UPRT: variants seen among roughly 807,000 people sequenced by gnomAD.
The protein encoded by UPRT is RP11-311P8.3.
Under a neutral mutation model 22.6 loss-of-function variants are expected in UPRT, and 5 were observed. That is an observed-to-expected ratio of 0.22 (90% confidence interval 0.12 to 0.47). UPRT has a LOEUF of 0.47. UPRT is among the 20% of genes least tolerant of loss of function. The probability of loss-of-function intolerance (pLI) is 0.99; values close to 1 mark genes in which losing one functional copy is unlikely to be tolerated. For synonymous variants in UPRT, 77 were observed against 87.7 expected (o/e 0.88, Z 0.68); for missense variants, 181 against 239.9 (o/e 0.75, Z 1.62).
chrX:75,219,249 G>A (rs1029258135), intron 4 of UPRT, among the ~76,000 whole-genome samples: 5 of 111,616 alleles, frequency 4.5e-5, no homozygotes, highest in Non-Finnish European at 9.4e-5. Flanking sequence ...TAAGGATCTC[G>A]GAAAGACAAA....
chrX:75,185,765 G>A (rs1207150642), intron 4 of UPRT, among the ~76,000 whole-genome samples: 6 of 111,715 alleles, frequency 5.4e-5, no homozygotes, highest in African/African-American at 1.3e-4. Flanking sequence ...TGTATGTGTC[G>A]ATGAATTTAT....
intron 4 of UPRT, among the ~76,000 whole-genome samples, chrX:75,188,925 C>G (rs2082305270): frequency 8.9e-6 from 1 of 111,975 alleles, no homozygotes; most frequent in Admixed American, 9.4e-5. Flanking sequence ...CTGGCACTCC[C>G]TAGTGAGATG....
At chrX:75,263,557 G>A (rs948515042) in intron 4 of UPRT, among the ~76,000 whole-genome samples, 1 of 111,465 alleles carries the variant, frequency 9.0e-6, no homozygotes, top group African/African-American at 3.3e-5. Context: ...TGTGGGATCG[G>A]TGGTGATATA....
intron 1 of UPRT, among the ~76,000 whole-genome samples, chrX:75,280,119 TG>T (rs2082648338): frequency 9.1e-6 from 1 of 109,925 alleles, no homozygotes; most frequent in Non-Finnish European, 1.9e-5. Context: ...TTGATGGGAT[TG>T]TTTGTTTTTT....
intron 4 of UPRT, among the ~76,000 whole-genome samples, chrX:75,250,245 C>A (rs922531688): frequency 2.7e-5 from 3 of 109,834 alleles, no homozygotes; most frequent in African/African-American, 6.6e-5. Flanking sequence ...ACAAAAAAAA[C>A]CCTTCAAAAA....
intron 1 of UPRT, among the ~76,000 whole-genome samples, chrX:75,288,284 C>CA (rs1485585979): frequency 9.0e-6 from 1 of 110,863 alleles, no homozygotes; most frequent in East Asian, 2.8e-4. Flanking sequence ...GAAACTATTC[C>CA]AAAAAAATCA....
chrX:75,191,673 T>C (rs1158876064), intron 4 of UPRT, among the ~76,000 whole-genome samples: 1 of 112,059 alleles, frequency 8.9e-6, no homozygotes, highest in East Asian at 2.8e-4. Context: ...TGGGTGCCCC[T>C]ACCCTAGCCT....
chrX:75,264,014 G>T (rs1301080272), intron 4 of UPRT, among the ~76,000 whole-genome samples: 1 of 111,523 alleles, frequency 9.0e-6, no homozygotes, highest in Non-Finnish European at 1.9e-5. Context: ...CAGTTTCCAT[G>T]TAGTTGATCA....
Position 75,303,594 on chromosome X carries a change from T to C in UPRT, c.*83T>C, listed in dbSNP as rs2082751831. On this transcript the variant is annotated 3_prime_UTR_variant, in exon 7 of 7. Coordinates refer to ENST00000373383, the MANE Select transcript of UPRT (RefSeq NM_145052.4). ...TTTGTTTTACTGATTCACTTGAGGG[T>C]GGCAGAGAAAAATGTGTTAAAATGC... 3 of 818,030 alleles carry C rather than the reference T, an allele frequency of 3.7e-6. No homozygotes were observed. The highest frequency in any genetic ancestry group is 3.4e-6 in the Non-Finnish European group (2 of 583,895). 67.4% of individuals were successfully genotyped at this position (818,030 alleles called of 1,213,427 possible).
chrX:75,247,551 C>G (rs957151486), intron 4 of UPRT, among the ~76,000 whole-genome samples: 3 of 111,867 alleles, frequency 2.7e-5, no homozygotes, highest in African/African-American at 9.8e-5. Context: ...CAGATATTGC[C>G]GAGGCTTGAC....
intron 1 of UPRT, among the ~76,000 whole-genome samples, chrX:75,277,661 C>T (rs1332286192): frequency 9.0e-6 from 1 of 111,482 alleles, no homozygotes; most frequent in Non-Finnish European, 1.9e-5. Flanking sequence ...TAATTGCATT[C>T]ATAAGTGCTG....
At chrX:75,186,686 CT>C (rs1185833229) in intron 4 of UPRT, among the ~76,000 whole-genome samples, 1 of 102,043 alleles carries the variant, frequency 9.8e-6, no homozygotes, top group Non-Finnish European at 2.0e-5. Flanking sequence ...TAAGGACTTG[CT>C]TTATGAATCT....
chrX:75,165,238 A>C (rs1409869719), intron 3 of UPRT, among the ~76,000 whole-genome samples: 1 of 111,114 alleles, frequency 9.0e-6, no homozygotes, highest in Non-Finnish European at 1.9e-5. Context: ...AAAATTCCTC[A>C]ATTCTTCTCC....
At chrX:75,287,394 T>C (rs2082686601) in intron 1 of UPRT, among the ~76,000 whole-genome samples, 1 of 111,758 alleles carries the variant, frequency 8.9e-6, no homozygotes, top group African/African-American at 3.2e-5. Flanking sequence ...CTCTTTTTCA[T>C]ATTTCTATAT....
intron 4 of UPRT, among the ~76,000 whole-genome samples, chrX:75,173,895 C>T (rs1290775996): frequency 3.6e-5 from 4 of 112,114 alleles, no homozygotes; most frequent in East Asian, 2.8e-4. Flanking sequence ...GCTCCGAGTG[C>T]GGGGCCCGCC....
chrX:75,232,245 G>A (rs1387566040), intron 4 of UPRT, among the ~76,000 whole-genome samples: 1 of 112,311 alleles, frequency 8.9e-6, no homozygotes, highest in Non-Finnish European at 1.9e-5. Context: ...CTTAAAAAAC[G>A]GCGCACAGGG....
chrX:75,232,275 G>A (rs1247451745), intron 4 of UPRT, among the ~76,000 whole-genome samples: 3 of 112,675 alleles, frequency 2.7e-5, no homozygotes, highest in Non-Finnish European at 5.6e-5. Context: ...CCCGCACATG[G>A]CTCGGAGGGT....
At chrX:75,198,705 A>G (rs1395020965) in intron 4 of UPRT, among the ~76,000 whole-genome samples, 3 of 111,514 alleles carry the variant, frequency 2.7e-5, no homozygotes, top group African/African-American at 9.8e-5. Context: ...CATATGTTCT[A>G]TCATATATGC....
chrX:75,248,260 C>T (rs987408398), intron 4 of UPRT, among the ~76,000 whole-genome samples: 9 of 111,409 alleles, frequency 8.1e-5, no homozygotes, highest in South Asian at 3.8e-4. Context: ...CAAACTACTC[C>T]GAGCTAAAGG....
Sources: allele counts gnomAD v4.1 joint callset (sites outside exome capture counted in the v4.1 genomes callset), GRCh38; gene constraint gnomAD v4.1.1; transcripts MANE v1.5; gene names NCBI Gene and HGNC (gene_info 2026-07-23, HGNC 2026-07-21).